Variants in ZMYM4 observed in about 807,000 individuals in gnomAD.
ZMYM4 encodes zinc finger MYM-type containing 4.
Under a neutral mutation model 183.2 loss-of-function variants are expected in ZMYM4, and 31 were observed. The ratio of observed to expected loss-of-function variants is 0.17; its 90% CI spans 0.13 to 0.23. ZMYM4 has a LOEUF of 0.23. Among genes scored for constraint, ZMYM4 ranks in the 10% least tolerant of loss-of-function variants. The pLI is 1.00. For missense variants in ZMYM4, 1,273 were observed against 1,840.3 expected (o/e 0.69, Z 5.64); for synonymous variants, 592 against 631.2 (o/e 0.94, Z 0.93).
chr1:35,307,691 C>T (rs756168353), intron 1 of ZMYM4, among the ~76,000 whole-genome samples: 2 of 151,184 alleles, frequency 1.3e-5, no homozygotes, highest in East Asian at 1.9e-4. Flanking sequence ...CCCGCCACCA[C>T]GCCCGGCTAA....
chr1:35,404,905 G>C (rs1644974296), intron 23 of ZMYM4, 118 bp from the exon 24 acceptor site: 2 of 980,288 alleles, frequency 2.0e-6, no homozygotes, highest in Non-Finnish European at 2.9e-6. Flanking sequence ...TGAATCTTTA[G>C]GATATAAAAC....
intron 1 of ZMYM4, among the ~76,000 whole-genome samples, chr1:35,309,779 G>C (rs1641707975): frequency 6.6e-6 from 1 of 151,176 alleles, no homozygotes; most frequent in African/African-American, 2.4e-5. Flanking sequence ...GTAAGACTCT[G>C]TCTTAAAAAA....
At chr1:35,372,717 A>T (rs1324144659) in intron 7 of ZMYM4, among the ~76,000 whole-genome samples, 1 of 149,686 alleles carries the variant, frequency 6.7e-6, no homozygotes, top group East Asian at 2.4e-4. Flanking sequence ...TATATCTACT[A>T]ACTGATTGAG....
chr1:35,349,691 G>A (rs886640150), intron 2 of ZMYM4, among the ~76,000 whole-genome samples: 6 of 151,792 alleles, frequency 4.0e-5, no homozygotes, highest in Admixed American at 2.0e-4. Flanking sequence ...CCAGCCAGGC[G>A]TGGTGGTGGG....
At chr1:35,380,478 C>G (rs1380650574) in intron 7 of ZMYM4, among the ~76,000 whole-genome samples, 1 of 152,140 alleles carries the variant, frequency 6.6e-6, no homozygotes, top group Non-Finnish European at 1.5e-5. Flanking sequence ...CAGGCACATG[C>G]CGCCACGCCT....
chr1:35,292,744 C>T (rs1181023032), intron 1 of ZMYM4, among the ~76,000 whole-genome samples: 2 of 152,136 alleles, frequency 1.3e-5, no homozygotes, highest in African/African-American at 4.8e-5. Context: ...AGGTGATCCA[C>T]TCGCCTCGGC....
intron 3 of ZMYM4, among the ~76,000 whole-genome samples, chr1:35,359,914 A>C (rs541516811): frequency 7.5e-4 from 114 of 151,004 alleles, no homozygotes; most frequent in Non-Finnish European, 1.1e-3. Context: ...AATAAAAAAA[A>C]CCCAAACATT....
intron 1 of ZMYM4, among the ~76,000 whole-genome samples, chr1:35,321,373 C>T (rs932325283): frequency 1.6e-4 from 25 of 152,100 alleles, no homozygotes; most frequent in African/African-American, 6.0e-4. Context: ...AGCTTAAGCA[C>T]TGTGCACAGT....
chr1:35,338,781 G>A (rs1336892562), intron 2 of ZMYM4, among the ~76,000 whole-genome samples: 2 of 152,016 alleles, frequency 1.3e-5, no homozygotes, highest in African/African-American at 4.8e-5. Context: ...TGCCTGTTAC[G>A]TTAAATCTAT....
intron 1 of ZMYM4, among the ~76,000 whole-genome samples, chr1:35,302,200 C>CCTTTTTTTTTTT (rs1641311910): frequency 5.1e-5 from 3 of 58,554 alleles, no homozygotes; most frequent in African/African-American, 1.9e-4. Context: ...ACGGCTCTTG[C>CCTTTTTTTTTTT]TTTTTTTTTT....
chr1:35,338,321 A>C (rs1202689275), intron 2 of ZMYM4, among the ~76,000 whole-genome samples: 1 of 152,190 alleles, frequency 6.6e-6, no homozygotes, highest in Non-Finnish European at 1.5e-5. Flanking sequence ...CCACTTATGC[A>C]TGGATTTTGG....
intron 1 of ZMYM4, among the ~76,000 whole-genome samples, chr1:35,299,879 C>G (rs1413298336): frequency 1.1e-4 from 16 of 152,052 alleles, no homozygotes; most frequent in African/African-American, 3.9e-4. Context: ...ACTGCAAGCT[C>G]CGTGCCCTGG....
chr1:35,325,705 G>A (rs1642476676), intron 2 of ZMYM4, among the ~76,000 whole-genome samples: 1 of 151,452 alleles, frequency 6.6e-6, no homozygotes, highest in Non-Finnish European at 1.5e-5. Flanking sequence ...CTTGGGTTAA[G>A]GTCTTTTATT....
intron 1 of ZMYM4, among the ~76,000 whole-genome samples, chr1:35,312,251 T>C (rs1212553057): frequency 6.6e-6 from 1 of 152,236 alleles, no homozygotes; most frequent in Non-Finnish European, 1.5e-5. Context: ...TCTGCAGATA[T>C]CTATCTGTCT....
intron 1 of ZMYM4, among the ~76,000 whole-genome samples, chr1:35,309,909 T>C (rs2148777122): frequency 6.6e-6 from 1 of 151,718 alleles, no homozygotes; most frequent in East Asian, 1.9e-4. Context: ...GTGGGGTTTT[T>C]TTGTGTTGTG....
intron 9 of ZMYM4, among the ~76,000 whole-genome samples, chr1:35,385,203 A>C (rs1644550257): frequency 6.6e-6 from 1 of 152,212 alleles, no homozygotes; most frequent in Non-Finnish European, 1.5e-5. Context: ...ATTACATGTT[A>C]TCATGATATT....
chr1:35,373,544 A>AT (rs202022428), intron 7 of ZMYM4, among the ~76,000 whole-genome samples: 7,630 of 122,516 alleles, frequency 0.062, 661 homozygotes, highest in East Asian at 0.38. Context: ...TGCACAGCTA[A>AT]TTTTTTTTTT....
rs1257232983 is a variant in ZMYM4, at chr1:35,374,261, C to T, written c.1181+3634C>T. Among the ~76,000 whole-genome samples, 8 of 151,204 alleles carry T rather than the reference C, an allele frequency of 5.3e-5. No individual in the cohort carries two copies. In the East Asian group the frequency reaches 9.7e-4, roughly 18 times the overall value. ...GTTGGTCAGGCTGGTCTCAAACTCC[C>T]GACCTCAGATGACCCACCCGCCTTG... On this transcript the variant is annotated intron_variant, in intron 7 of 29. Coordinates refer to ENST00000314607, the MANE Select transcript of ZMYM4 (RefSeq NM_005095.3).
Position 35,389,041 on chromosome 1 carries a change from T to A in ZMYM4, c.2395T>A (p.Cys799Ser). Residue 799 changes from cysteine to serine, a missense_variant, in exon 14 of 30, where the codon TGT (cysteine) becomes AGT (serine). Coordinates refer to ENST00000314607, the MANE Select transcript of ZMYM4 (RefSeq NM_005095.3). The surrounding 1 kb of genome is among the most constrained non-coding windows in gnomAD (Gnocchi z 4.0). ...AGGAGGGAAAGTGGAAGAGTTCTGT[T>A]GTGAAGAATGCATGTCCAAATATAC... ...NLGGKVEEFC[C>S]EECMSKYTVL... 6.2e-7 allele frequency: 1 copy of A among 1,614,102 alleles called. No homozygotes were observed. Among genetic ancestry groups the A allele is most frequent in the East Asian group, 2.2e-5 (1 of 44,848 alleles).
Sources: gnomAD v4.1 joint callset for allele counts (sites outside exome capture counted in the v4.1 genomes callset) on GRCh38, gnomAD v4.1.1 for gene constraint, Gnocchi (gnomAD v3.1) non-coding constraint, MANE v1.5 for transcripts, NCBI Gene and HGNC (gene_info 2026-07-23, HGNC 2026-07-21) for gene names.